Variants in CHST11 observed in about 807,000 individuals in gnomAD.
The protein encoded by CHST11 is carbohydrate sulfotransferase 11.
A neutral mutation model predicts 30.4 loss-of-function variants in CHST11; 9 were observed. The ratio of observed to expected loss-of-function variants is 0.30; its 90% CI spans 0.18 to 0.52. The LOEUF is 0.52. Ranked by LOEUF, CHST11 falls within the 20% of genes least tolerant of loss-of-function variation. The probability of loss-of-function intolerance (pLI) is 0.97; values close to 1 mark genes in which losing one functional copy is unlikely to be tolerated. For synonymous variants in CHST11, 152 were observed against 187.8 expected (o/e 0.81, Z 1.56); for missense variants, 348 against 460.6 (o/e 0.76, Z 2.24).
chr12:104,563,467 A>G (rs1414107720), intron 1 of CHST11, among the ~76,000 whole-genome samples: 1 of 152,168 alleles, frequency 6.6e-6, no homozygotes, highest in Non-Finnish European at 1.5e-5. Context: ...TGCTCCTAAG[A>G]AAGCTTGGGG....
At chr12:104,536,684 C>A (rs1030019115) in intron 1 of CHST11, among the ~76,000 whole-genome samples, 1 of 152,192 alleles carries the variant, frequency 6.6e-6, no homozygotes, top group Non-Finnish European at 1.5e-5. Flanking sequence ...CAACAGCAAC[C>A]TCACAGGGCT....
chr12:104,470,139 A>C lies in CHST11; in HGVS notation c.118+12610A>C, dbSNP rs536565265. On this transcript the variant is annotated intron_variant, in intron 1 of 2. Coordinates refer to ENST00000303694, the MANE Select transcript of CHST11 (RefSeq NM_018413.6). ...TGTTAAACATCCTACAATGGATAGG[A>C]TAGACTTCCCCACAACAAAGAATAG... is the stretch of plus-strand genomic sequence containing the variant. 3.3e-5 allele frequency among the ~76,000 whole-genome samples: 5 copies of C among 152,334 alleles called. No individual in the cohort carries two copies. In the South Asian group the frequency reaches 1.0e-3, roughly 32 times the overall value.
intron 1 of CHST11, among the ~76,000 whole-genome samples, chr12:104,502,532 T>C (rs1301030342): frequency 6.6e-6 from 1 of 152,202 alleles, no homozygotes; most frequent in Non-Finnish European, 1.5e-5. Flanking sequence ...TTGTGAGTGA[T>C]GATTTATCTC....
At chr12:104,631,561 G>C (rs2039270839) in intron 2 of CHST11, among the ~76,000 whole-genome samples, 1 of 152,116 alleles carries the variant, frequency 6.6e-6, no homozygotes, top group Admixed American at 6.5e-5. Context: ...CCTCAGCCTG[G>C]CTCCCTTAAG....
At chr12:104,513,776 T>G (rs1250509344) in intron 1 of CHST11, among the ~76,000 whole-genome samples, 2 of 152,214 alleles carry the variant, frequency 1.3e-5, no homozygotes, top group Non-Finnish European at 2.9e-5. Context: ...GAATTGATGA[T>G]GGATTAGTTG....
intron 1 of CHST11, among the ~76,000 whole-genome samples, chr12:104,579,929 C>T (rs563099231): frequency 1.3e-5 from 2 of 152,322 alleles, no homozygotes; most frequent in South Asian, 4.1e-4. Context: ...GGTTAATTAC[C>T]GTACTCTCCA....
At chr12:104,721,785 T>C (rs1313287000) in intron 2 of CHST11, among the ~76,000 whole-genome samples, 1 of 152,198 alleles carries the variant, frequency 6.6e-6, no homozygotes, top group Non-Finnish European at 1.5e-5. Context: ...TTCTGGAAGA[T>C]ATTGTATAAT....
intron 1 of CHST11, among the ~76,000 whole-genome samples, chr12:104,578,898 A>G (rs937601854): frequency 2.6e-5 from 4 of 152,222 alleles, no homozygotes; most frequent in African/African-American, 9.6e-5. Flanking sequence ...CTCTTGTGAC[A>G]TGCAGTTGTC....
chr12:104,604,107 C>T (rs956904057), intron 2 of CHST11, among the ~76,000 whole-genome samples: 10 of 152,040 alleles, frequency 6.6e-5, no homozygotes, highest in African/African-American at 2.2e-4. Flanking sequence ...ATTTGACTGG[C>T]GAGGCAGACT....
chr12:104,627,019 C>A (rs1333960784), intron 2 of CHST11, among the ~76,000 whole-genome samples: 2 of 152,150 alleles, frequency 1.3e-5, no homozygotes, highest in Non-Finnish European at 2.9e-5. Context: ...TCCCCCCAAG[C>A]ACTGGCAACC....
chr12:104,749,821 GC>G (rs1320262971), intron 2 of CHST11, among the ~76,000 whole-genome samples: 1 of 152,192 alleles, frequency 6.6e-6, no homozygotes, highest in Non-Finnish European at 1.5e-5. Flanking sequence ...TGACATGGTG[GC>G]AAAGAATTCC....
chr12:104,606,093 C>T (rs1298251274), intron 2 of CHST11, among the ~76,000 whole-genome samples: 1 of 147,398 alleles, frequency 6.8e-6, no homozygotes, highest in Admixed American at 7.1e-5. Context: ...CACAGCAGAT[C>T]CAATTGTTCT....
At chr12:104,747,960 CAA>C (rs1244704046) in intron 2 of CHST11, among the ~76,000 whole-genome samples, 8 of 152,178 alleles carry the variant, frequency 5.3e-5, no homozygotes. Context: ...AAGACTTTTT[CAA>C]ACAGTCCCTA....
chr12:104,669,449 T>C (rs757620513), intron 2 of CHST11, among the ~76,000 whole-genome samples: 1 of 152,180 alleles, frequency 6.6e-6, no homozygotes, highest in South Asian at 2.1e-4. Context: ...AAGGGATGCT[T>C]CTAGGTCTTT....
intron 1 of CHST11, among the ~76,000 whole-genome samples, chr12:104,526,228 A>T (rs1032762922): frequency 2.2e-5 from 3 of 134,478 alleles, no homozygotes; most frequent in Non-Finnish European, 4.6e-5. Context: ...AAAAAAAAAG[A>T]AAAGAAAAGA....
chr12:104,510,672 A>G (rs2037956351), intron 1 of CHST11, among the ~76,000 whole-genome samples: 3 of 152,356 alleles, frequency 2.0e-5, no homozygotes, highest in South Asian at 4.1e-4. Flanking sequence ...AATCAATACA[A>G]GGGAGACATT....
At chr12:104,731,688 C>T (rs1006583550) in intron 2 of CHST11, among the ~76,000 whole-genome samples, 6 of 152,240 alleles carry the variant, frequency 3.9e-5, no homozygotes, top group African/African-American at 1.4e-4. Flanking sequence ...GCATGTCCAC[C>T]TCTCAGGGTT....
intron 2 of CHST11, among the ~76,000 whole-genome samples, chr12:104,646,453 G>T (rs1196225967): frequency 1.3e-5 from 2 of 152,086 alleles, no homozygotes; most frequent in African/African-American, 4.8e-5. Flanking sequence ...ATTATTTCTG[G>T]CCGGGTGCAG....
chr12:104,699,548 A>G (rs1405014280), intron 2 of CHST11, among the ~76,000 whole-genome samples: 2 of 152,176 alleles, frequency 1.3e-5, no homozygotes, highest in African/African-American at 2.4e-5. Flanking sequence ...TCTCAATTGT[A>G]GGGTCACTGA....
Sources: gnomAD v4.1 joint callset for allele counts (sites outside exome capture counted in the v4.1 genomes callset) on GRCh38, gnomAD v4.1.1 for gene constraint, MANE v1.5 for transcripts, NCBI Gene and HGNC (gene_info 2026-07-23, HGNC 2026-07-21) for gene names.